The following KLHL18 variants were observed in gnomAD, a reference collection of about 807,000 sequenced individuals.
The protein encoded by KLHL18 is kelch-like protein 18.
A neutral mutation model predicts 58.5 loss-of-function variants in KLHL18; 38 were observed. The observed-to-expected ratio is 0.65, with a 90% CI of 0.50 to 0.85. KLHL18 has a LOEUF of 0.85. Ranked by LOEUF, KLHL18 falls within the 40% of genes least tolerant of loss-of-function variation. The probability of loss-of-function intolerance (pLI) is 0.00; values close to 1 mark genes in which losing one functional copy is unlikely to be tolerated. For synonymous variants in KLHL18, 303 were observed against 301.9 expected, an observed-to-expected ratio of 1.00 and a Z score of -0.04; for missense variants, 624 against 778.4, an observed-to-expected ratio of 0.80 and a Z score of 2.36.
At chr3:47,299,128 T>C (rs752100376) in intron 1 of KLHL18, among the ~76,000 whole-genome samples, 2 of 152,258 alleles carry the variant, frequency 1.3e-5, no homozygotes, top group Non-Finnish European at 2.9e-5. Flanking sequence ...AGTAGCGATA[T>C]CATTTTGCAT....
chr3:47,304,667 C>T (rs557152944), intron 1 of KLHL18, among the ~76,000 whole-genome samples: 16 of 152,216 alleles, frequency 1.1e-4, no homozygotes, highest in African/African-American at 3.4e-4. Context: ...TTGCTGAACT[C>T]GCTTATTATT....
At chr3:47,319,621 A>G (rs370825782) in intron 1 of KLHL18, 32 bp from the exon 2 acceptor site, 278 of 1,609,352 alleles carry the variant, frequency 1.7e-4, no homozygotes, top group Non-Finnish European at 2.1e-4. Flanking sequence ...GCATTCCTCA[A>G]TATCTGTCTT....
At chr3:47,310,580 T>C (rs756521433) in intron 1 of KLHL18, among the ~76,000 whole-genome samples, 18 of 152,246 alleles carry the variant, frequency 1.2e-4, no homozygotes, top group Non-Finnish European at 1.9e-4. Flanking sequence ...GTCATCCACT[T>C]TCTACATAGT....
chr3:47,297,911 C>G (rs1375774342), intron 1 of KLHL18, among the ~76,000 whole-genome samples: 1 of 152,114 alleles, frequency 6.6e-6, no homozygotes, highest in African/African-American at 2.4e-5. Context: ...AAGGAGAGAG[C>G]TGACTGCCTG....
rs1704168981 is a variant in KLHL18 at position 47,343,880 on chromosome 3, C to A, written c.1664C>A (p.Ala555Asp). Reference protein sequence around the residue: ...DPETDCWTFMAPMACHEGGVG... With the variant: ...DPETDCWTFMDPMACHEGGVG... ...GAGACAGACTGCTGGACATTCATGG[C>A]CCCCATGGCGTGCCATGAGGGAGGG... The change falls in exon 10 of 10, where the codon GCC (alanine) becomes GAC (aspartate). Residue 555 changes from alanine to aspartate, a missense_variant. Ala to Asp is a moderately radical substitution (Grantham distance 126, BLOSUM62 -2). Coordinates refer to ENST00000232766, the MANE Select transcript of KLHL18 (RefSeq NM_025010.5). The A allele has an allele frequency of 1.2e-6, 2 of 1,614,136 alleles. No homozygotes were observed. Among genetic ancestry groups the A allele is most frequent in the Middle Eastern group, 1.6e-4 (1 of 6,062 alleles).
intron 1 of KLHL18, among the ~76,000 whole-genome samples, chr3:47,288,584 A>G (rs1230528022): frequency 2.0e-5 from 3 of 152,240 alleles, no homozygotes; most frequent in Non-Finnish European, 4.4e-5. Flanking sequence ...TCTCAAAATT[A>G]ACTGCCAACA....
chr3:47,329,837 G>A (rs921233122), intron 3 of KLHL18, 114 bp from the exon 4 acceptor site: 5 of 811,466 alleles, frequency 6.2e-6, no homozygotes, highest in African/African-American at 1.7e-5. Flanking sequence ...TTCCAACAAA[G>A]CTGAGGTTAA....
intron 1 of KLHL18, among the ~76,000 whole-genome samples, chr3:47,317,744 A>G (rs1049800403): frequency 2.0e-5 from 3 of 152,360 alleles, no homozygotes; most frequent in Non-Finnish European, 1.5e-5. Context: ...TGACCTAATT[A>G]TATTGGAAAG....
Position 47,342,704 on chromosome 3 carries a change from G to T in KLHL18, c.1227-15G>T. 1 of 1,609,870 alleles carries T rather than the reference G, an allele frequency of 6.2e-7. No individual in the cohort carries two copies. The highest frequency in any genetic ancestry group is 1.1e-5 in the South Asian group (1 of 90,950). On this transcript the variant is annotated splice_polypyrimidine_tract_variant and intron_variant, in intron 8 of 9. Transcript: ENST00000232766. ...AATCTCATGCTTCCCCTCCTATTTT[G>T]ACTCTTTCCTGAAGATGGACAGTGG...
intron 3 of KLHL18, among the ~76,000 whole-genome samples, chr3:47,325,635 C>T (rs1469887267): frequency 6.6e-6 from 1 of 152,226 alleles, no homozygotes; most frequent in Non-Finnish European, 1.5e-5. Flanking sequence ...TGAGGCTGCT[C>T]AGTCTATTAC....
intron 1 of KLHL18, among the ~76,000 whole-genome samples, chr3:47,295,622 C>T (rs1201982449): frequency 6.6e-6 from 1 of 151,586 alleles, no homozygotes; most frequent in Non-Finnish European, 1.5e-5. Flanking sequence ...CAGGCTGGTG[C>T]AGTGGTGCAA....
In KLHL18 at chr3:47,334,766, G is replaced by C. The variant is rs762159235; in HGVS notation, c.845G>C (p.Cys282Ser). ...HLPAFRTRPRCCTSIAGLIYA... is the reference protein window; with the variant it reads ...HLPAFRTRPRSCTSIAGLIYA... ...CCAGCTTTCAGAACCCGGCCACGCT[G>C]CTGCACATCCATCGCTGGACTTATC... Residue 282 changes from cysteine (C) to serine (S), a missense_variant, in exon 6 of 10, where the codon TGC becomes TCC. Transcript: ENST00000232766. This position sits in a 1 kb window ranked among gnomAD's most constrained non-coding sequence, Gnocchi z 4.7. 1.2e-6 allele frequency: 2 copies of C among 1,614,162 alleles called. No individual in the cohort carries two copies. The highest frequency in any genetic ancestry group is 1.7e-6 in the Non-Finnish European group (2 of 1,180,022).
intron 3 of KLHL18, among the ~76,000 whole-genome samples, chr3:47,326,785 G>T (rs1414291894): frequency 6.6e-6 from 1 of 152,022 alleles, no homozygotes; most frequent in Non-Finnish European, 1.5e-5. Flanking sequence ...GCTGGCTATG[G>T]TTGCAGGCAC....
intron 1 of KLHL18, among the ~76,000 whole-genome samples, chr3:47,310,682 C>T (rs1703277326): frequency 6.6e-6 from 1 of 152,254 alleles, no homozygotes; most frequent in African/African-American, 2.4e-5. Context: ...TCTGTCGTTT[C>T]TGATCTAAGT....
chr3:47,336,844 T>C (rs958745695), intron 7 of KLHL18, 87 bp downstream of exon 7: 1 of 1,061,760 alleles, frequency 9.4e-7, no homozygotes, highest in Non-Finnish European at 1.4e-6. Flanking sequence ...CACAGTAGAG[T>C]AAAATACAAG....
At chr3:47,283,527 G>C (rs1367423618) in intron 1 of KLHL18, 1 of 175,170 alleles carries the variant, frequency 5.7e-6, no homozygotes, top group Non-Finnish European at 1.2e-5. Flanking sequence ...AGAAGAGAAG[G>C]CTTCTCCTTA....
At chr3:47,293,386 C>T (rs1391548685) in intron 1 of KLHL18, among the ~76,000 whole-genome samples, 2 of 152,300 alleles carry the variant, frequency 1.3e-5, no homozygotes, top group Middle Eastern at 3.4e-3. Context: ...ACACTAAAAA[C>T]AATTTGTCTT....
At chr3:47,337,496 G>A (rs1207829229) in intron 7 of KLHL18, 1 of 152,718 alleles carries the variant, frequency 6.5e-6, no homozygotes, top group African/African-American at 2.4e-5. Context: ...CATCACATGT[G>A]TGGGCAGCTG....
chr3:47,322,488 C>T (rs1703611652), intron 2 of KLHL18, 80 bp from the exon 3 acceptor site: 2 of 1,370,098 alleles, frequency 1.5e-6, no homozygotes. Context: ...TAAGTAATGT[C>T]AGTTCAGTTA....
Sources: allele counts gnomAD v4.1 joint callset (sites outside exome capture counted in the v4.1 genomes callset), GRCh38; gene constraint gnomAD v4.1.1; non-coding constraint Gnocchi (gnomAD v3.1); transcripts MANE v1.5; gene names NCBI Gene and HGNC (gene_info 2026-07-23, HGNC 2026-07-21).